HDAC4: variants seen among roughly 807,000 people sequenced by gnomAD.
HDAC4 encodes histone deacetylase 4.
In HDAC4, 16 loss-of-function variants were observed where a neutral mutation model predicts 135.1. The observed-to-expected ratio is 0.12, with a 90% CI of 0.08 to 0.18. HDAC4 has a LOEUF of 0.18. Among genes scored for constraint, HDAC4 ranks in the 10% least tolerant of loss-of-function variants. HDAC4 has a pLI of 1.00. For synonymous variants in HDAC4, 685 were observed against 653.4 expected, an observed-to-expected ratio of 1.05 and a Z score of -0.74; for missense variants, 1,143 against 1,511.8, an observed-to-expected ratio of 0.76 and a Z score of 4.05.
chr2:239,075,614 TCTC>T (rs2034665372), intron 22 of HDAC4, among the ~76,000 whole-genome samples: 1 of 152,138 alleles, frequency 6.6e-6, no homozygotes, highest in Non-Finnish European at 1.5e-5. Flanking sequence ...GAGAGCGGCT[TCTC>T]CTCGCGGTGG....
At chr2:239,102,969 C>T in intron 15 of HDAC4, 73 bp from the exon 16 acceptor site, 1 of 1,583,030 alleles carries the variant, frequency 6.3e-7, no homozygotes, top group Non-Finnish European at 8.7e-7. Context: ...ACAGAAACTC[C>T]AACTGAAACC....
intron 4 of HDAC4, among the ~76,000 whole-genome samples, chr2:239,186,045 C>T (rs1382513001): frequency 6.6e-6 from 1 of 151,906 alleles, no homozygotes; most frequent in East Asian, 1.9e-4. Context: ...AAAAAACAAA[C>T]AAACAAAAAC....
rs2038059279 is a variant in HDAC4, at chr2:239,105,668, G to A, written c.2112+2382C>T. Among the ~76,000 whole-genome samples, 3 of 152,216 alleles carry A rather than the reference G, an allele frequency of 2.0e-5. No individual in the cohort carries two copies. The South Asian group carries it at 6.2e-4, about 31-fold the overall frequency. On this transcript the variant is annotated intron_variant, in intron 15 of 26. Transcript: ENST00000543185. ...AGGCAGTCGTCTACCCAGAGAAGGGGTGCTGACTCTGAGGCCCTGCCCTCG... is the reference window on the plus strand; with the variant it reads ...AGGCAGTCGTCTACCCAGAGAAGGGATGCTGACTCTGAGGCCCTGCCCTCG...
intron 1 of HDAC4, among the ~76,000 whole-genome samples, chr2:239,386,687 T>C (rs78437556): frequency 0.012 from 1,875 of 152,258 alleles, 18 homozygotes; most frequent in Middle Eastern, 0.061. Flanking sequence ...TTGACTTTCA[T>C]AAACAACGTA....
intron 2 of HDAC4, among the ~76,000 whole-genome samples, chr2:239,327,891 G>A (rs1011114172): frequency 1.4e-5 from 2 of 146,436 alleles, no homozygotes; most frequent in Admixed American, 6.6e-5. Context: ...ACAGTCTCTG[G>A]ACAGTCTTCC....
chr2:239,130,607 C>T (rs533822160), intron 11 of HDAC4, among the ~76,000 whole-genome samples: 11 of 139,364 alleles, frequency 7.9e-5, no homozygotes, highest in Non-Finnish European at 1.8e-4. Flanking sequence ...TGTGACAGGG[C>T]CACCTCCACG....
chr2:239,181,125 ACC>A (rs2044123457), intron 4 of HDAC4, among the ~76,000 whole-genome samples: 1 of 152,200 alleles, frequency 6.6e-6, no homozygotes, highest in Non-Finnish European at 1.5e-5. Context: ...TGGGGACAGG[ACC>A]TGCCGGCTCT....
In HDAC4 at chr2:239,285,169, A is replaced by G. The variant is rs2051063077; in HGVS notation, c.23-48505T>C. On this transcript the variant is annotated intron_variant, in intron 2 of 26. Coordinates refer to ENST00000543185, the MANE Select transcript of HDAC4 (RefSeq NM_001378414.1). The surrounding 1 kb of genome is among the most constrained non-coding windows in gnomAD (Gnocchi z 4.5). ...AGTTCAAAGACTGCAGATGGTACAG[A>G]GAAAGCGTTACACAGTGAGAAAACA... Among the ~76,000 whole-genome samples the G allele has an allele frequency of 6.6e-6, 1 of 152,212 alleles. No homozygotes were observed. Among genetic ancestry groups the G allele is most frequent in the Non-Finnish European group, 1.5e-5 (1 of 68,040 alleles).
At chr2:239,158,316 C>T (rs1179494261) in intron 6 of HDAC4, among the ~76,000 whole-genome samples, 1 of 152,166 alleles carries the variant, frequency 6.6e-6, no homozygotes, top group African/African-American at 2.4e-5. Flanking sequence ...CTTTTTCCTT[C>T]ATGGGAAACA....
chr2:239,336,232 A>C (rs1015642767), intron 2 of HDAC4, among the ~76,000 whole-genome samples: 2 of 152,194 alleles, frequency 1.3e-5, no homozygotes, highest in African/African-American at 4.8e-5. Flanking sequence ...ACAGTAACTG[A>C]GAGAGGACAT....
At chr2:239,237,487 G>A (rs1266762516) in intron 2 of HDAC4, among the ~76,000 whole-genome samples, 1 of 151,846 alleles carries the variant, frequency 6.6e-6, no homozygotes, top group South Asian at 2.1e-4. Flanking sequence ...ACTAAGCGAA[G>A]GAGAGCACCA....
intron 19 of HDAC4, chr2:239,085,741 G>A (rs550032107): frequency 1.3e-5 from 2 of 152,054 alleles, no homozygotes; most frequent in African/African-American, 2.4e-5. Flanking sequence ...GCTCTAACAC[G>A]CGGATCTGAC....
At chr2:239,201,889 C>T (rs2045778228) in intron 3 of HDAC4, among the ~76,000 whole-genome samples, 1 of 152,242 alleles carries the variant, frequency 6.6e-6, no homozygotes. Context: ...CCTTCCAAAT[C>T]TACGTTTTCA....
chr2:239,301,612 C>G (rs529717806), intron 2 of HDAC4, among the ~76,000 whole-genome samples: 10 of 152,032 alleles, frequency 6.6e-5, no homozygotes, highest in Non-Finnish European at 1.0e-4. Context: ...TCCTGAACAG[C>G]TGGGACTACA....
At chr2:239,071,394 G>T (rs2034186933) in intron 22 of HDAC4, among the ~76,000 whole-genome samples, 1 of 152,138 alleles carries the variant, frequency 6.6e-6, no homozygotes, top group Non-Finnish European at 1.5e-5. Context: ...CGGCCTGGCT[G>T]ATAAGAGCAA....
rs184716521 is a variant in HDAC4, at chr2:239,381,125, C to T, written c.-220+19853G>A. 2.6e-5 allele frequency among the ~76,000 whole-genome samples: 4 copies of T among 152,310 alleles called. No individual in the cohort carries two copies. The East Asian group carries it at 5.8e-4, about 22-fold the overall frequency. On this transcript the variant is annotated intron_variant, in intron 1 of 26. Coordinates refer to ENST00000543185, the MANE Select transcript of HDAC4 (RefSeq NM_001378414.1). Reference sequence around the variant, plus strand: ...CACGCGATGCTCTGAGGAAGGAAACCGTCTAGGAACCAAGAGTCACGGAGC... The same window carrying T: ...CACGCGATGCTCTGAGGAAGGAAACTGTCTAGGAACCAAGAGTCACGGAGC...
At chr2:239,131,002 G>A (rs764069172) in intron 11 of HDAC4, among the ~76,000 whole-genome samples, 1 of 152,300 alleles carries the variant, frequency 6.6e-6, no homozygotes, top group East Asian at 1.9e-4. Flanking sequence ...TCCACTCCCC[G>A]CCTCAGCTAG....
At chr2:239,107,227 C>T (rs1559439909) in intron 15 of HDAC4, among the ~76,000 whole-genome samples, 1 of 152,236 alleles carries the variant, frequency 6.6e-6, no homozygotes, top group South Asian at 2.1e-4. Flanking sequence ...GTGCGGCCCC[C>T]GTCCTGCCCT....
rs766666723 is a variant in HDAC4, at chr2:239,139,818, G to A, written c.866-22C>T. ...GAGTCTGCGGAGGCAGAAATACCCT[G>A]GTGAGTGTTACTCCATGCGGAGGGA... On this transcript the variant is annotated intron_variant, in intron 8 of 26. Transcript: ENST00000543185. This position sits in a 1 kb window ranked among gnomAD's most constrained non-coding sequence, Gnocchi z 5.3. 3 of 1,564,474 alleles carry A rather than the reference G, an allele frequency of 1.9e-6. No individual in the cohort carries two copies. In the South Asian group the frequency reaches 3.3e-5, roughly 17 times the overall value.
Sources: gnomAD v4.1 joint callset for allele counts (sites outside exome capture counted in the v4.1 genomes callset) on GRCh38, gnomAD v4.1.1 for gene constraint, Gnocchi (gnomAD v3.1) non-coding constraint, MANE v1.5 for transcripts, NCBI Gene and HGNC (gene_info 2026-07-23, HGNC 2026-07-21) for gene names.